Variants in PKD1L1 observed in about 807,000 individuals in gnomAD.
The protein encoded by PKD1L1 is polycystin 1 like 1, transient receptor potential channel interacting, also known as polycystin-1-like protein 1.
PKD1L1 carries 236 observed loss-of-function variants against 323.4 expected under a neutral mutation model. That is an observed-to-expected ratio of 0.73 (90% CI 0.66 to 0.81). The LOEUF (loss-of-function observed/expected upper bound fraction) is 0.81. Among genes scored for constraint, PKD1L1 ranks in the 40% least tolerant of loss-of-function variants. The pLI is 0.00. For missense variants in PKD1L1, 3,320 were observed against 3,508.0 expected (o/e 0.95, Z 1.35); for synonymous variants, 1,344 against 1,335.0 (o/e 1.01, Z -0.15).
chr7:47,837,146 C>T, intron 36 of PKD1L1, 52 bp from the exon 37 acceptor site: 1 of 1,585,638 alleles, frequency 6.3e-7, no homozygotes, highest in East Asian at 2.2e-5. Flanking sequence ...TTTCTGTCAG[C>T]AAAGCAAAGT....
At chr7:47,854,317 A>C (rs1047949153) in intron 30 of PKD1L1, among the ~76,000 whole-genome samples, 1 of 152,054 alleles carries the variant, frequency 6.6e-6, no homozygotes, top group Non-Finnish European at 1.5e-5. Context: ...CCGAGAAGGA[A>C]GGTGATCAAG....
intron 31 of PKD1L1, among the ~76,000 whole-genome samples, chr7:47,848,346 TA>T (rs553778435): frequency 3.1e-4 from 46 of 148,724 alleles, no homozygotes; most frequent in East Asian, 9.8e-4. Context: ...ACATAGCAGT[TA>T]AAAAAAAAAG....
At chr7:47,801,963 G>A (rs893938622) in intron 53 of PKD1L1, among the ~76,000 whole-genome samples, 3 of 152,012 alleles carry the variant, frequency 2.0e-5, no homozygotes, top group East Asian at 1.9e-4. Flanking sequence ...AGGCCGAGGC[G>A]GGCGGATCAC....
intron 1 of PKD1L1, among the ~76,000 whole-genome samples, chr7:47,945,321 G>A (rs1030798662): frequency 6.6e-6 from 1 of 152,112 alleles, no homozygotes; most frequent in African/African-American, 2.4e-5. Flanking sequence ...CTTAAGCAAG[G>A]TTTCTACAAA....
Position 47,830,091 on chromosome 7 carries a change from G to C in PKD1L1, c.6507C>G (p.His2169Gln). 1 of 1,614,172 alleles carries C rather than the reference G, an allele frequency of 6.2e-7. No individual in the cohort carries two copies. The highest frequency in any genetic ancestry group is 8.5e-7 in the Non-Finnish European group (1 of 1,180,034). Reference protein sequence around the residue: ...FGQEQCVQWLHLLSLSVVCCI... With the variant: ...FGQEQCVQWLQLLSLSVVCCI... The stretch of plus-strand genomic sequence containing the variant: ...AGCAGACCACGGAGAGGGACAGCAG[G>C]TGCAGCCACTGCACACATTGCTCCT... Residue 2169 changes from histidine (H) to glutamine (Q), a missense_variant, in exon 43 of 57, where the codon CAC becomes CAG. Coordinates refer to ENST00000289672, the MANE Select transcript of PKD1L1 (RefSeq NM_138295.5).
intron 39 of PKD1L1, 41 bp from the exon 40 acceptor site, chr7:47,834,426 G>T: frequency 6.5e-7 from 1 of 1,536,372 alleles, no homozygotes; most frequent in Non-Finnish European, 9.0e-7. Flanking sequence ...GATGCTTTGG[G>T]GTGATACATT....
At chr7:47,896,040 T>A (rs1786927759) in intron 14 of PKD1L1, among the ~76,000 whole-genome samples, 1 of 152,302 alleles carries the variant, frequency 6.6e-6, no homozygotes, top group South Asian at 2.1e-4. Context: ...CTTATTGTCA[T>A]AAAGAGTATG....
chr7:47,912,542 A>G (rs10231788), intron 8 of PKD1L1, among the ~76,000 whole-genome samples: 108,164 of 151,966 alleles, frequency 0.71, 39,490 homozygotes, highest in African/African-American at 0.88. Flanking sequence ...CCGGCTGGGC[A>G]CGGTGGCTCA....
At chr7:47,851,188 T>A (rs1785775793) in intron 31 of PKD1L1, among the ~76,000 whole-genome samples, 1 of 152,160 alleles carries the variant, frequency 6.6e-6, no homozygotes, top group African/African-American at 2.4e-5. Context: ...TTCCCATCAA[T>A]GAGCCAAGCC....
intron 16 of PKD1L1, among the ~76,000 whole-genome samples, chr7:47,889,469 G>T (rs1786760281): frequency 6.6e-6 from 1 of 152,134 alleles, no homozygotes; most frequent in Non-Finnish European, 1.5e-5. Context: ...ACAGTCAGTA[G>T]TCGGGGCCTG....
upstream of PKD1L1, among the ~76,000 whole-genome samples, chr7:47,950,436 C>T (rs888136694): frequency 4.6e-5 from 7 of 152,194 alleles, no homozygotes; most frequent in African/African-American, 1.2e-4. Flanking sequence ...CACTGCCCTA[C>T]GTGGGAGGCA....
intron 21 of PKD1L1, among the ~76,000 whole-genome samples, chr7:47,878,911 G>T (rs1394514245): frequency 6.6e-6 from 1 of 152,216 alleles, no homozygotes; most frequent in African/African-American, 2.4e-5. Flanking sequence ...CAGGCTGGTG[G>T]GCCATGGAGA....
At chr7:47,834,119 C>T (rs1242805560) in intron 40 of PKD1L1, among the ~76,000 whole-genome samples, 1 of 144,634 alleles carries the variant, frequency 6.9e-6, no homozygotes, top group Non-Finnish European at 1.5e-5. Context: ...CCTGGAGAGC[C>T]GGGTTGCCAT....
chr7:47,782,688 G>A (rs1786724404), intron 56 of PKD1L1, among the ~76,000 whole-genome samples: 1 of 152,182 alleles, frequency 6.6e-6, no homozygotes. Context: ...TGGACCCTCT[G>A]TCTTCCCCTC....
At chr7:47,899,564 G>T (rs1415820858) in intron 13 of PKD1L1, among the ~76,000 whole-genome samples, 1 of 152,050 alleles carries the variant, frequency 6.6e-6, no homozygotes, top group Non-Finnish European at 1.5e-5. Flanking sequence ...GGGGCCTCAG[G>T]ATAGAGTCTC....
chr7:47,854,827 C>A, intron 30 of PKD1L1, 55 bp downstream of exon 30: 2 of 1,567,304 alleles, frequency 1.3e-6, no homozygotes, highest in Non-Finnish European at 1.7e-6. Flanking sequence ...ACAAAACATT[C>A]TTAAGGACAA....
At chr7:47,780,301 C>G (rs61546159) in intron 56 of PKD1L1, among the ~76,000 whole-genome samples, 1 of 152,134 alleles carries the variant, frequency 6.6e-6, no homozygotes, top group Non-Finnish European at 1.5e-5. Context: ...CTGGCAACCA[C>G]GAACTGCTTC....
intron 3 of PKD1L1, 73 bp downstream of exon 3, chr7:47,940,120 G>A (rs1787953144): frequency 1.3e-6 from 2 of 1,550,136 alleles, no homozygotes; most frequent in African/African-American, 2.7e-5. Context: ...GAAACATGGA[G>A]GTGCTTTTTA....
chr7:47,922,598 C>G (rs1027919006), intron 7 of PKD1L1, among the ~76,000 whole-genome samples: 8 of 151,970 alleles, frequency 5.3e-5, no homozygotes, highest in African/African-American at 7.3e-5. Flanking sequence ...CTCTACCCCG[C>G]CGCCACCCCG....
Sources: allele counts gnomAD v4.1 joint callset (sites outside exome capture counted in the v4.1 genomes callset), GRCh38; gene constraint gnomAD v4.1.1; transcripts MANE v1.5; gene names NCBI Gene and HGNC (gene_info 2026-07-23, HGNC 2026-07-21).